TMEM259: variants seen among roughly 807,000 people sequenced by gnomAD.
TMEM259 encodes the protein transmembrane protein 259, also known as membralin.
A neutral mutation model predicts 46.7 loss-of-function variants in TMEM259; 26 were observed. The observed-to-expected ratio is 0.56, with a 90% confidence interval of 0.41 to 0.77. The LOEUF is 0.77. TMEM259 is among the 30% of genes least tolerant of loss of function. TMEM259 has a pLI of 0.00. For synonymous variants in TMEM259, 494 were observed against 395.1 expected (o/e 1.25, Z -2.97); for missense variants, 930 against 900.5 (o/e 1.03, Z -0.42).
intron 1 of TMEM259, among the ~76,000 whole-genome samples, chr19:1,019,577 C>T (rs1307529583): frequency 1.3e-5 from 2 of 152,074 alleles, no homozygotes; most frequent in Admixed American, 6.5e-5. Context: ...GGGGGCCTTC[C>T]GTGAAGTGGC....
intron 3 of TMEM259, among the ~76,000 whole-genome samples, chr19:1,012,891 T>C (rs963656889): frequency 2.0e-5 from 3 of 152,056 alleles, no homozygotes; most frequent in Admixed American, 2.0e-4. Flanking sequence ...GCCCCGGCCC[T>C]CTGGATAGAC....
At chr19:1,018,676 A>G (rs2039187797) in intron 1 of TMEM259, among the ~76,000 whole-genome samples, 1 of 152,166 alleles carries the variant, frequency 6.6e-6, no homozygotes, top group African/African-American at 2.4e-5. Context: ...CGGGTGGAAA[A>G]TTCACAAAGA....
Position 1,020,955 on chromosome 19 carries a change from G to A in TMEM259, c.42C>T (p.Pro14=), listed in dbSNP as rs979519344. The A allele has an allele frequency of 1.6e-6, 2 of 1,265,124 alleles. No individual in the cohort carries two copies. The highest frequency in any genetic ancestry group is 3.1e-5 in the African/African-American group (2 of 63,842). 78.4% of individuals were successfully genotyped at this position (1,265,124 alleles called of 1,614,324 possible). The change falls in exon 1 of 11, where the codon CCC becomes CCT. Residue 14 remains proline (P), a synonymous_variant. Transcript: ENST00000356663. This position sits in a 1 kb window ranked among gnomAD's most constrained non-coding sequence, Gnocchi z 4.0. ...HVEPAAPGPG[P]NGGGGGPAPA... is the part of the protein sequence containing the mutation. ...GGGCCGGGCCGCCGCCGCCGCCGTT[G>A]GGCCCGGGCCCCGGAGCTGCGGGCT...
In TMEM259 at chr19:1,009,973, G is replaced by C. The variant is rs764389226; in HGVS notation, c.*377C>G. On this transcript the variant is annotated 3_prime_UTR_variant, in exon 11 of 11. Coordinates refer to ENST00000356663, the MANE Select transcript of TMEM259 (RefSeq NM_001033026.2). ...GCCGGGCTGAGGCCGGCCGGCACTA[G>C]GGCGCGAGGCCCCACCCCAAGCCGG... The C allele has an allele frequency of 1.2e-4, 37 of 318,606 alleles. No homozygotes were observed. The highest frequency in any genetic ancestry group is 1.2e-4 in the Non-Finnish European group (21 of 174,332). 19.7% of individuals were successfully genotyped at this position (318,606 alleles called of 1,614,324 possible). A position where few individuals can be genotyped will look rare whatever the true frequency, so the allele number is the denominator to read the frequency against.
At position 1,020,265 on chromosome 19, in the gene TMEM259, G is replaced by C. The variant is rs937785739; in HGVS notation, c.225+507C>G. Among the ~76,000 whole-genome samples, 8 of 152,176 alleles carry C rather than the reference G, an allele frequency of 5.3e-5. No homozygotes were observed. Among genetic ancestry groups the C allele is most frequent in the South Asian group, 2.1e-4 (1 of 4,820 alleles). On this transcript the variant is annotated intron_variant, in intron 1 of 10. Transcript: ENST00000356663. This position sits in a 1 kb window ranked among gnomAD's most constrained non-coding sequence, Gnocchi z 4.0. ...GAGGGGAGTGGGGAGTCGACTTCCAGGACAGGGGTTGGTCCGAGGGAGACC... is the reference window on the plus strand; with the variant it reads ...GAGGGGAGTGGGGAGTCGACTTCCACGACAGGGGTTGGTCCGAGGGAGACC...
At position 1,011,760 on chromosome 19, in the gene TMEM259, G is replaced by A. The variant is rs1318009114; in HGVS notation, c.981C>T (p.His327=). Residue 327 remains histidine (H), a synonymous_variant, in exon 7 of 11, where the codon CAC becomes CAT. Coordinates refer to ENST00000356663, the MANE Select transcript of TMEM259 (RefSeq NM_001033026.2). ...ACTCACCGATGAAGACGAAGATCTG[G>A]TGGTGTGAGTACCGCAGCAGCATGG... ...SVSMLLRYSH[H]QIFVFIVDLL... 4 of 1,558,074 alleles carry A rather than the reference G, an allele frequency of 2.6e-6. No individual in the cohort carries two copies. In the East Asian group the frequency reaches 9.7e-5, roughly 38 times the overall value.
intron 1 of TMEM259, among the ~76,000 whole-genome samples, chr19:1,015,718 C>A (rs2039085002): frequency 6.6e-6 from 1 of 152,194 alleles, no homozygotes; most frequent in Non-Finnish European, 1.5e-5. Context: ...GAGCACAGGG[C>A]CCCTCCGTGA....
intron 1 of TMEM259, among the ~76,000 whole-genome samples, chr19:1,017,634 C>G (rs2145607103): frequency 6.6e-6 from 1 of 152,292 alleles, no homozygotes; most frequent in East Asian, 1.9e-4. Flanking sequence ...CAGGAAGCTT[C>G]CTGGATGTTC....
Position 1,020,826 on chromosome 19 carries a change from C to T in TMEM259, c.171G>A (p.Ser57=). Residue 57 remains serine, a synonymous_variant, in exon 1 of 11, where the codon TCG becomes TCA. Coordinates refer to ENST00000356663, the MANE Select transcript of TMEM259 (RefSeq NM_001033026.2). This position sits in a 1 kb window ranked among gnomAD's most constrained non-coding sequence, Gnocchi z 4.0. ...GGCGGAAGGCGGGCGGGAAGAGCCG[C>T]GAATAGGTGACAGCCATCTTGAAGA... The part of the protein sequence containing the change: ...ALFFKMAVTY[S]RLFPPAFRRL... 1 of 1,365,554 alleles carries T rather than the reference C, an allele frequency of 7.3e-7. No individual in the cohort carries two copies. Among genetic ancestry groups the T allele is most frequent in the Non-Finnish European group, 9.5e-7 (1 of 1,053,954 alleles). The allele number at this position is 1,365,554 out of a possible 1,614,324, so 84.6% of individuals were successfully genotyped here. A position where few individuals can be genotyped will look rare whatever the true frequency, so the allele number is the denominator to read the frequency against.
chr19:1,018,882 G>A (rs796742237), intron 1 of TMEM259, among the ~76,000 whole-genome samples: 47 of 151,990 alleles, frequency 3.1e-4, no homozygotes, highest in African/African-American at 1.1e-3. Context: ...TAGCTACTCC[G>A]CAGGCTGAGG....
At chr19:1,019,452 A>G (rs2039216173) in intron 1 of TMEM259, among the ~76,000 whole-genome samples, 1 of 152,198 alleles carries the variant, frequency 6.6e-6, no homozygotes. Context: ...AACCCTTCAC[A>G]GCCCTGCTCA....
chr19:1,012,472 C>T lies in TMEM259; in HGVS notation c.709G>A (p.Val237Ile). 12 of 1,602,068 alleles carry T rather than the reference C, an allele frequency of 7.5e-6. No individual in the cohort carries two copies. The highest frequency in any genetic ancestry group is 9.4e-6 in the Non-Finnish European group (11 of 1,176,020). Residue 237 changes from valine (V) to isoleucine (I), a missense_variant, in exon 4 of 11, where the codon GTC becomes ATC. Transcript: ENST00000356663. ...RQRLSIPVMV[V>I]TLDPTRDQCF... is the part of the protein sequence containing the mutation. ...AGCAGCTCAGACTCACCCAGGGTGA[C>T]CACCATGACGGGGATGCTCAGGCGC...
chr19:1,014,063 C>T, intron 2 of TMEM259, 129 bp downstream of exon 2: 1 of 1,242,634 alleles, frequency 8.0e-7, no homozygotes, highest in Non-Finnish European at 1.1e-6. Context: ...CAGGGGCGGC[C>T]TTGTCTGCAT....
Position 1,010,496 on chromosome 19 carries a change from C to A in TMEM259, c.1717G>T (p.Ala573Ser). The change falls in exon 11 of 11, where the codon GCT becomes TCT. Residue 573 changes from alanine to serine, a missense_variant. Physicochemically the swap from Ala to Ser is moderately conservative, Grantham distance 99. Coordinates refer to ENST00000356663, the MANE Select transcript of TMEM259 (RefSeq NM_001033026.2). ...ERRPASPLGP[A>S]GGLPHAPQDS... is the part of the protein sequence containing the mutation. ...TGGGGGGCGTGGGGGAGGCCCCCAGCAGGGCCCAGCGGGCTGGCTGGACGC... is the reference window on the plus strand; with the variant it reads ...TGGGGGGCGTGGGGGAGGCCCCCAGAAGGGCCCAGCGGGCTGGCTGGACGC... 2 of 1,546,696 alleles carry A rather than the reference C, an allele frequency of 1.3e-6. No homozygotes were observed. The highest frequency in any genetic ancestry group is 1.7e-6 in the Non-Finnish European group (2 of 1,145,970).
In TMEM259 at chr19:1,010,120, C is replaced by CT; in HGVS notation, c.*229dup. 2.0e-6 allele frequency: 1 copy of CT among 508,190 alleles called. No homozygotes were observed. The highest frequency in any genetic ancestry group is 3.2e-5 in the South Asian group (1 of 30,862). The allele number at this position is 508,190 out of a possible 1,614,324, so 31.5% of individuals were successfully genotyped here. ...AGAACCTTCCGCGGAACCCCACCCC[C>CT]TCTCCTTGCTGACCAGCTCAAACAC... On this transcript the variant is annotated 3_prime_UTR_variant, in exon 11 of 11. Transcript: ENST00000356663.
At chr19:1,017,361 C>T (rs2214539) in intron 1 of TMEM259, 12,535 of 399,496 alleles carry the variant, frequency 0.031, 256 homozygotes, top group South Asian at 0.063. Flanking sequence ...GGTCCAGTCC[C>T]CTACACTCCA....
chr19:1,010,789 G>C lies in TMEM259; in HGVS notation c.1424C>G (p.Pro475Arg). 4.5e-6 allele frequency: 7 copies of C among 1,567,566 alleles called. No homozygotes were observed. Among genetic ancestry groups the C allele is most frequent in the Non-Finnish European group, 6.0e-6 (7 of 1,165,624 alleles). ...GTTCATGTCATCGGGCAGCGCCGTGGGGGTCCCGGGGCCCAGTGGCGGCGC... is the reference window on the plus strand; with the variant it reads ...GTTCATGTCATCGGGCAGCGCCGTGCGGGTCCCGGGGCCCAGTGGCGGCGC... ...LQAPPLGPGT[P>R]TALPDDMNNN... Residue 475 changes from proline (P) to arginine (R), a missense_variant, in exon 11 of 11, where the codon CCC becomes CGC. Transcript: ENST00000356663.
At position 1,010,595 on chromosome 19, in the gene TMEM259, A is replaced by C; in HGVS notation, c.1618T>G (p.Trp540Gly). 1 of 1,551,548 alleles carries C rather than the reference A, an allele frequency of 6.4e-7. No individual in the cohort carries two copies. The highest frequency in any genetic ancestry group is 1.7e-4 in the Middle Eastern group (1 of 5,958). Residue 540 changes from tryptophan (W) to glycine (G), a missense_variant, in exon 11 of 11, where the codon TGG becomes GGG. Trp to Gly is a radical substitution (Grantham distance 184). Coordinates refer to ENST00000356663, the MANE Select transcript of TMEM259 (RefSeq NM_001033026.2). The stretch of plus-strand genomic sequence containing the variant: ...ATGATGGCAGCGGTCTCTGCCATCC[A>C]ACCCAGGTCACCACCGGCAGCTGCT... ...VAAAAGGDLG[W>G]MAETAAIITD...
At chr19:1,015,184 GGGCAGAGCGCCCCAC>G (rs1384299163) in intron 1 of TMEM259, among the ~76,000 whole-genome samples, 1 of 152,234 alleles carries the variant, frequency 6.6e-6, no homozygotes, top group African/African-American at 2.4e-5. Context: ...CTCCGTGGCT[GGGCAGAGCGCCCCAC>G]GGCAGGGCGA....
Sources: gnomAD v4.1 joint callset for allele counts (sites outside exome capture counted in the v4.1 genomes callset) on GRCh38, gnomAD v4.1.1 for gene constraint, Gnocchi (gnomAD v3.1) non-coding constraint, MANE v1.5 for transcripts, NCBI Gene and HGNC (gene_info 2026-07-23, HGNC 2026-07-21) for gene names.